FAM20A: variants seen among roughly 807,000 people sequenced by gnomAD.
FAM20A encodes FAM20A golgi associated secretory pathway pseudokinase.
In FAM20A, 42 loss-of-function variants were observed where a neutral mutation model predicts 52.0. The observed-to-expected ratio is 0.81, with a 90% CI of 0.63 to 1.04. FAM20A has a LOEUF of 1.04. Among genes scored for constraint, FAM20A ranks in the 50% least tolerant of loss-of-function variants. The probability of loss-of-function intolerance (pLI) is 0.00; values close to 1 mark genes in which losing one functional copy is unlikely to be tolerated. For synonymous variants in FAM20A, 304 were observed against 298.9 expected, an observed-to-expected ratio of 1.02 and a Z score of -0.18; for missense variants, 742 against 712.7, an observed-to-expected ratio of 1.04 and a Z score of -0.47.
intron 4 of FAM20A, among the ~76,000 whole-genome samples, chr17:68,546,627 A>G (rs8072332): frequency 0.037 from 5,591 of 151,040 alleles, 434 homozygotes; most frequent in African/African-American, 0.13. Context: ...TCAGGAGATC[A>G]AGACCATCCT....
chr17:68,564,856 G>A (rs192180309), intron 1 of FAM20A, among the ~76,000 whole-genome samples: 40 of 152,168 alleles, frequency 2.6e-4, no homozygotes, highest in Middle Eastern at 6.8e-3. Flanking sequence ...GGACCCTGAG[G>A]GCAGAGCCAC....
intron 1 of FAM20A, among the ~76,000 whole-genome samples, chr17:68,598,996 C>T (rs954621737): frequency 2.6e-5 from 4 of 152,146 alleles, no homozygotes; most frequent in Admixed American, 1.3e-4. Flanking sequence ...ACACAGTTAA[C>T]GTGGAATTGA....
chr17:68,574,840 A>G (rs889203399), intron 1 of FAM20A, among the ~76,000 whole-genome samples: 2 of 152,160 alleles, frequency 1.3e-5, no homozygotes, highest in African/African-American at 4.8e-5. Flanking sequence ...CTATGTGTCC[A>G]GATGGGCTGG....
intron 3 of FAM20A, 135 bp downstream of exon 3, chr17:68,554,642 C>G: frequency 1.2e-6 from 1 of 841,976 alleles, no homozygotes; most frequent in Non-Finnish European, 2.0e-6. Context: ...TGGGGAGAAA[C>G]GTTGAGTTCT....
intron 1 of FAM20A, among the ~76,000 whole-genome samples, chr17:68,578,002 A>G (rs181744673): frequency 6.6e-6 from 1 of 152,104 alleles, no homozygotes; most frequent in African/African-American, 2.4e-5. Flanking sequence ...TATATTTCAC[A>G]CACCACACAC....
chr17:68,575,645 ATATTT>A (rs1302686282), intron 1 of FAM20A, among the ~76,000 whole-genome samples: 7 of 110,202 alleles, frequency 6.4e-5, no homozygotes, highest in Non-Finnish European at 1.2e-4. Flanking sequence ...ATAGAATATT[ATATTT>A]TATATATATT....
In FAM20A at chr17:68,578,062, C is replaced by T. The variant is rs9904354; in HGVS notation, c.404+22201G>A. Reference sequence around the variant, plus strand: ...CAAGTGACATTGGATAGACAGGTGTCCTCTCTTTCCTCTACCATTTTCCTG... The same window carrying T: ...CAAGTGACATTGGATAGACAGGTGTTCTCTCTTTCCTCTACCATTTTCCTG... On this transcript the variant is annotated intron_variant, in intron 1 of 10. Transcript: ENST00000592554. Among the ~76,000 whole-genome samples the T allele has an allele frequency of 2.1e-3, 313 of 152,196 alleles. 1 individual carries two copies. The highest frequency in any genetic ancestry group is 7.3e-3 in the African/African-American group (302 of 41,524).
intron 9 of FAM20A, 70 bp from the exon 10 acceptor site, chr17:68,539,466 CCT>C (rs2086195869): frequency 1.4e-6 from 2 of 1,383,398 alleles, no homozygotes; most frequent in Admixed American, 1.7e-5. Flanking sequence ...CTTCCTCTCT[CCT>C]CTCAGCATTT....
Position 68,535,609 on chromosome 17 carries a change from A to G in FAM20A, c.*1868T>C. ...GAGCCCTATGCTGCAGTAGGGCCAC[A>G]ACAGTTAAGGAAATCTTTGGGATTA... On this transcript the variant is annotated 3_prime_UTR_variant, in exon 11 of 11. Coordinates refer to ENST00000592554, the MANE Select transcript of FAM20A (RefSeq NM_017565.4). 1 of 454,128 alleles carries G rather than the reference A, an allele frequency of 2.2e-6. No homozygotes were observed. Among genetic ancestry groups the G allele is most frequent in the Non-Finnish European group, 4.4e-6 (1 of 226,790 alleles). 28.1% of individuals were successfully genotyped at this position (454,128 alleles called of 1,614,324 possible). A position where few individuals can be genotyped will look rare whatever the true frequency, so the allele number is the denominator to read the frequency against.
chr17:68,548,734 T>C lies in FAM20A; in HGVS notation c.719+3139A>G, dbSNP rs1233500074. ...CGAGCTATGCCTGTATATTTTTTTTTTTTTTTTTTTTTTTTTGAGACAGAA... is the reference window on the plus strand; with the variant it reads ...CGAGCTATGCCTGTATATTTTTTTTCTTTTTTTTTTTTTTTTGAGACAGAA... On this transcript the variant is annotated intron_variant, in intron 4 of 10. Transcript: ENST00000592554. 5.7e-5 allele frequency among the ~76,000 whole-genome samples: 8 copies of C among 140,374 alleles called. 1 individual carries two copies. The South Asian group carries it at 9.8e-4, about 17-fold the overall frequency. 92.1% of individuals were successfully genotyped at this position (140,374 alleles called of 152,430 possible). A position where few individuals can be genotyped will look rare whatever the true frequency, so the allele number is the denominator to read the frequency against.
chr17:68,543,611 C>T lies in FAM20A; in HGVS notation c.812+18G>A, dbSNP rs2086411859. On this transcript the variant is annotated intron_variant, in intron 5 of 10. Coordinates refer to ENST00000592554, the MANE Select transcript of FAM20A (RefSeq NM_017565.4). Reference sequence around the variant, plus strand: ...TGGTCCTTATAGGCAATGCCATCTCCATGGGGCCAGACCCTACCTGTCCAG... The same window carrying T: ...TGGTCCTTATAGGCAATGCCATCTCTATGGGGCCAGACCCTACCTGTCCAG... 4 of 1,612,446 alleles carry T rather than the reference C, an allele frequency of 2.5e-6. No homozygotes were observed. The highest frequency in any genetic ancestry group is 3.4e-6 in the Non-Finnish European group (4 of 1,178,604).
Position 68,542,820 on chromosome 17 carries a change from G to C in FAM20A, c.813-11C>G, listed in dbSNP as rs753717706. The stretch of plus-strand genomic sequence containing the variant: ...CGGAAGTCCAGAATCCTGCAAGAGA[G>C]GAAGCTCTGTTCCATCTGAGGGATG... On this transcript the variant is annotated splice_polypyrimidine_tract_variant and intron_variant, in intron 5 of 10. Coordinates refer to ENST00000592554, the MANE Select transcript of FAM20A (RefSeq NM_017565.4). The C allele has an allele frequency of 1.4e-5, 23 of 1,598,174 alleles. No individual in the cohort carries two copies. In the East Asian group the frequency reaches 4.9e-4, roughly 34 times the overall value.
intron 1 of FAM20A, among the ~76,000 whole-genome samples, chr17:68,594,964 T>G: frequency 6.6e-6 from 1 of 152,326 alleles, no homozygotes; most frequent in East Asian, 1.9e-4. Context: ...ATATTAGCAG[T>G]GGGCTGAACA....
At chr17:68,592,534 C>T (rs573295472) in intron 1 of FAM20A, among the ~76,000 whole-genome samples, 3 of 152,272 alleles carry the variant, frequency 2.0e-5, no homozygotes, top group Non-Finnish European at 2.9e-5. Context: ...TAGGTGTTGA[C>T]GATTGAAGGT....
In FAM20A at chr17:68,537,805, CT is replaced by C. The variant is rs1277412464; in HGVS notation, c.1362-65del. The C allele has an allele frequency of 6.5e-7, 1 of 1,539,698 alleles. No homozygotes were observed. The highest frequency in any genetic ancestry group is 8.8e-7 in the Non-Finnish European group (1 of 1,136,574). On this transcript the variant is annotated intron_variant, in intron 10 of 10. Coordinates refer to ENST00000592554, the MANE Select transcript of FAM20A (RefSeq NM_017565.4). The surrounding 1 kb of genome is among the most constrained non-coding windows in gnomAD (Gnocchi z 4.2). ...TAAAGAAAATAACTTGCCTGAACTT[CT>C]TTCCCCACAAACAGCTGTTGTAGCT...
chr17:68,542,651 C>A, intron 6 of FAM20A, 43 bp downstream of exon 6: 1 of 1,482,492 alleles, frequency 6.7e-7, no homozygotes, highest in South Asian at 1.1e-5. Flanking sequence ...CTCTGGCTTA[C>A]GATCTACTCA....
chr17:68,548,858 G>A (rs1337780564), intron 4 of FAM20A, among the ~76,000 whole-genome samples: 1 of 145,298 alleles, frequency 6.9e-6, no homozygotes, highest in Non-Finnish European at 1.5e-5. Flanking sequence ...TCAGCCTCCC[G>A]AGCAGCTGGG....
chr17:68,554,759 T>TGGGGGGGGGGGGGG lies in FAM20A; in HGVS notation c.640+17_640+18insCCCCCCCCCCCCCC. On this transcript the variant is annotated intron_variant, in intron 3 of 10. Coordinates refer to ENST00000592554, the MANE Select transcript of FAM20A (RefSeq NM_017565.4). The stretch of plus-strand genomic sequence containing the variant: ...TGAGGGTGAAGAGGCTGGGTGGGGG[T>TGGGGGGGGGGGGGG]GGGGCTAGGTCACTTACTCTGGGTG... 2 of 1,261,952 alleles carry TGGGGGGGGGGGGGG rather than the reference T, an allele frequency of 1.6e-6. No homozygotes were observed. Among genetic ancestry groups the TGGGGGGGGGGGGGG allele is most frequent in the Non-Finnish European group, 1.1e-6 (1 of 931,724 alleles). 78.2% of individuals were successfully genotyped at this position (1,261,952 alleles called of 1,614,324 possible). A position where few individuals can be genotyped will look rare whatever the true frequency, so the allele number is the denominator to read the frequency against.
intron 1 of FAM20A, among the ~76,000 whole-genome samples, chr17:68,571,870 G>C (rs1208388947): frequency 6.6e-6 from 1 of 150,806 alleles, no homozygotes; most frequent in African/African-American, 2.4e-5. Flanking sequence ...GGTTTATTTA[G>C]AATGAAAAAG....
Sources: gnomAD v4.1 joint callset for allele counts (sites outside exome capture counted in the v4.1 genomes callset) on GRCh38, gnomAD v4.1.1 for gene constraint, Gnocchi (gnomAD v3.1) non-coding constraint, MANE v1.5 for transcripts, NCBI Gene and HGNC (gene_info 2026-07-23, HGNC 2026-07-21) for gene names.